Variants in RP9 observed in about 807,000 individuals in gnomAD.
RP9 encodes RP9 pre-mRNA splicing factor.
In RP9, 23 loss-of-function variants were observed where a neutral mutation model predicts 32.6. The observed-to-expected ratio is 0.71, with a 90% CI of 0.51 to 1.00. The LOEUF (loss-of-function observed/expected upper bound fraction) is 1.00. Among genes scored for constraint, RP9 ranks in the 50% least tolerant of loss-of-function variants. The pLI, the probability that RP9 is intolerant of heterozygous loss-of-function variation, is 0.00. For missense variants in RP9, 245 were observed against 285.3 expected (o/e 0.86, Z 1.02); for synonymous variants, 94 against 103.6 (o/e 0.91, Z 0.56).
chr7:33,101,368 G>A (rs1307200406), intron 1 of RP9, among the ~76,000 whole-genome samples: 1 of 152,176 alleles, frequency 6.6e-6, no homozygotes, highest in Admixed American at 6.5e-5. Flanking sequence ...TTGGGAGGCT[G>A]AGGCGGGCAG....
chr7:33,101,811 G>C (rs1449460371), intron 1 of RP9, among the ~76,000 whole-genome samples: 3 of 152,108 alleles, frequency 2.0e-5, no homozygotes, highest in African/African-American at 4.8e-5. Context: ...AAAAGCTGTG[G>C]CATGACATAG....
chr7:33,108,659 TTTA>T (rs1169404381), intron 1 of RP9, among the ~76,000 whole-genome samples: 5 of 152,202 alleles, frequency 3.3e-5, no homozygotes, highest in African/African-American at 4.8e-5. Context: ...CAAAGCAACC[TTTA>T]TTCACCATAC....
intron 3 of RP9, 109 bp downstream of exon 3, chr7:33,099,184 ATGGAGAACGTGCCT>A: frequency 8.9e-7 from 1 of 1,126,514 alleles, no homozygotes; most frequent in South Asian, 1.2e-5. Flanking sequence ...TATCTAGAAG[ATGGAGAACGTGCCT>A]TGGCTGTAAG....
At chr7:33,102,738 A>G (rs1351187098) in intron 1 of RP9, among the ~76,000 whole-genome samples, 2 of 152,198 alleles carry the variant, frequency 1.3e-5, no homozygotes, top group African/African-American at 2.4e-5. Context: ...ATTCCACACA[A>G]TTGTTCCTGC....
intron 2 of RP9, 131 bp downstream of exon 2, chr7:33,100,400 T>C: frequency 1.2e-6 from 1 of 818,088 alleles, no homozygotes; most frequent in African/African-American, 1.7e-5. Context: ...TGACCCCTCA[T>C]TCATCTGCAG....
chr7:33,103,496 A>C (rs1788456876), intron 1 of RP9, among the ~76,000 whole-genome samples: 1 of 152,196 alleles, frequency 6.6e-6, no homozygotes, highest in South Asian at 2.1e-4. Context: ...GCTGCCCTTG[A>C]CAAGAGCTGT....
chr7:33,105,388 A>G (rs1414142298), intron 1 of RP9, among the ~76,000 whole-genome samples: 2 of 152,122 alleles, frequency 1.3e-5, no homozygotes, highest in Non-Finnish European at 2.9e-5. Flanking sequence ...AAGCAGTCAG[A>G]GAGGCCAGAA....
intron 1 of RP9, among the ~76,000 whole-genome samples, chr7:33,106,943 CAA>C (rs887599053): frequency 1.7e-5 from 2 of 118,784 alleles, no homozygotes. Flanking sequence ...GACTCCATCT[CAA>C]AAAAAAAAAA....
chr7:33,094,905 G>C lies in RP9; in HGVS notation c.*329C>G. On this transcript the variant is annotated 3_prime_UTR_variant, in exon 6 of 6. Transcript: ENST00000297157. ...TGTGGAGGGCACAAGCTGTGGGAGG[G>C]CCTGGAAGACACGCCTCAGAGATTC... 2.5e-6 allele frequency: 1 copy of C among 405,854 alleles called. No individual in the cohort carries two copies. Among genetic ancestry groups the C allele is most frequent in the South Asian group, 2.8e-5 (1 of 35,950 alleles). 25.1% of individuals were successfully genotyped at this position (405,854 alleles called of 1,614,324 possible).
chr7:33,100,865 G>A (rs1342915112), intron 1 of RP9: 9 of 532,934 alleles, frequency 1.7e-5, no homozygotes, highest in Non-Finnish European at 3.2e-5. Context: ...AGATGGGAAG[G>A]AAATTCTGAA....
At chr7:33,102,741 G>A (rs7802917) in intron 1 of RP9, among the ~76,000 whole-genome samples, 7 of 152,212 alleles carry the variant, frequency 4.6e-5, no homozygotes, top group Non-Finnish European at 8.8e-5. Context: ...CCACACAATT[G>A]TTCCTGCAGC....
At chr7:33,100,469 C>T in intron 2 of RP9, 62 bp downstream of exon 2, 1 of 1,340,268 alleles carries the variant, frequency 7.5e-7, no homozygotes, top group Non-Finnish European at 1.1e-6. Flanking sequence ...TTTTTCATAA[C>T]AAGTTACTGA....
chr7:33,097,776 C>T (rs1788361450), intron 3 of RP9, among the ~76,000 whole-genome samples: 1 of 152,074 alleles, frequency 6.6e-6, no homozygotes, highest in Admixed American at 6.6e-5. Flanking sequence ...CGTACCACCA[C>T]ACCCAGCTAA....
At position 33,109,168 on chromosome 7, in the gene RP9, G is replaced by A; in HGVS notation, c.152+53C>T. The A allele has an allele frequency of 1.4e-6, 2 of 1,471,294 alleles. No individual in the cohort carries two copies. The highest frequency in any genetic ancestry group is 9.0e-7 in the Non-Finnish European group (1 of 1,112,514). The allele number at this position is 1,471,294 out of a possible 1,614,324, so 91.1% of individuals were successfully genotyped here. On this transcript the variant is annotated intron_variant, in intron 1 of 5. Coordinates refer to ENST00000297157, the MANE Select transcript of RP9 (RefSeq NM_203288.2). This position sits in a 1 kb window ranked among gnomAD's most constrained non-coding sequence, Gnocchi z 4.9. ...CGCCCACCGCGGCGTCCCGCGCCCC[G>A]GGCCCCTGGCTTCAGAAGACTGGCC...
At chr7:33,099,011 AAAC>A in intron 3 of RP9, 1 of 483,026 alleles carries the variant, frequency 2.1e-6, no homozygotes, top group South Asian at 2.1e-5. Flanking sequence ...TGGGTGGCCT[AAAC>A]AACAGAAACT....
At position 33,109,324 on chromosome 7, in the gene RP9, G is replaced by C; in HGVS notation, c.49C>G (p.Arg17Gly). The C allele has an allele frequency of 1.4e-6, 2 of 1,458,196 alleles. No individual in the cohort carries two copies. Among genetic ancestry groups the C allele is most frequent in the Non-Finnish European group, 1.8e-6 (2 of 1,109,496 alleles). 90.3% of individuals were successfully genotyped at this position (1,458,196 alleles called of 1,614,324 possible). ...TCCTGCTCCGGCGGCTCACGCGGCC[G>C]CCGCGCGCCCGCAGCCCCCACGTCC... is the stretch of plus-strand genomic sequence containing the variant. ...REDVGAAGAR[R>G]PREPPEQELQ... The change falls in exon 1 of 6, where the codon CGG becomes GGG. Residue 17 changes from arginine (R) to glycine (G), a missense_variant. By Grantham distance (125) the Arg-to-Gly change is moderately radical. Around this residue, in one of 2 missense-constraint regions of RP9, gnomAD observed 182 missense variants for 175.5 expected, o/e 1.04. Transcript: ENST00000297157. The surrounding 1 kb of genome is among the most constrained non-coding windows in gnomAD (Gnocchi z 4.9).
At chr7:33,096,872 GA>G (rs899278493) in intron 4 of RP9, among the ~76,000 whole-genome samples, 2 of 152,038 alleles carry the variant, frequency 1.3e-5, no homozygotes, top group Non-Finnish European at 2.9e-5. Context: ...GTCATCTAAA[GA>G]AAAAATATAC....
At chr7:33,095,793 C>A (rs1331872860) in intron 5 of RP9, among the ~76,000 whole-genome samples, 1 of 152,078 alleles carries the variant, frequency 6.6e-6, no homozygotes, top group Non-Finnish European at 1.5e-5. Flanking sequence ...AAAAAACAAA[C>A]CCTCCAATTT....
chr7:33,105,354 T>C (rs1451794211), intron 1 of RP9, among the ~76,000 whole-genome samples: 1 of 152,110 alleles, frequency 6.6e-6, no homozygotes, highest in Non-Finnish European at 1.5e-5. Context: ...TGCCCTCCTG[T>C]CTCCTGCCCT....
Sources: gnomAD v4.1 joint callset for allele counts (sites outside exome capture counted in the v4.1 genomes callset) on GRCh38, gnomAD v4.1.1 for gene constraint, gnomAD v4.1.1 regional missense constraint, Gnocchi (gnomAD v3.1) non-coding constraint, MANE v1.5 for transcripts, NCBI Gene and HGNC (gene_info 2026-07-23, HGNC 2026-07-21) for gene names.